Variants in KSR2 observed in about 807,000 individuals in gnomAD.
The protein encoded by KSR2 is kinase suppressor of ras 2.
A neutral mutation model predicts 107.8 loss-of-function variants in KSR2; 25 were observed. The observed-to-expected ratio is 0.23, with a 90% CI of 0.17 to 0.32. KSR2 has a LOEUF of 0.32. Among genes scored for constraint, KSR2 ranks in the 10% least tolerant of loss-of-function variants. The pLI, the probability that KSR2 is intolerant of heterozygous loss-of-function variation, is 1.00. For synonymous variants in KSR2, 480 were observed against 507.0 expected, an observed-to-expected ratio of 0.95 and a Z score of 0.71; for missense variants, 887 against 1,268.9, an observed-to-expected ratio of 0.70 and a Z score of 4.57.
intron 1 of KSR2, chr12:117,889,888 C>T (rs1894288439): frequency 6.6e-6 from 1 of 152,222 alleles, no homozygotes. Flanking sequence ...ACAGATCCCA[C>T]AACAGGGAGG....
chr12:117,957,508 C>G (rs892624176), intron 1 of KSR2, among the ~76,000 whole-genome samples: 1 of 152,148 alleles, frequency 6.6e-6, no homozygotes, highest in East Asian at 1.9e-4. Context: ...GTCCCCACAC[C>G]CAGAGCAGCA....
rs190597332 is a variant in KSR2, at chr12:117,776,047, A to G, written c.473-14523T>C. Among the ~76,000 whole-genome samples, 21 of 152,250 alleles carry G rather than the reference A, an allele frequency of 1.4e-4. No individual in the cohort carries two copies. The East Asian group carries it at 2.9e-3, about 21-fold the overall frequency. On this transcript the variant is annotated intron_variant, in intron 3 of 19. Coordinates refer to ENST00000339824, the MANE Select transcript of KSR2 (RefSeq NM_173598.6). Reference sequence around the variant, plus strand: ...CAAATCACCACTAAAGAACTTATGTAACCAAGTACCACCTGTTCCCCAAAA... The same window carrying G: ...CAAATCACCACTAAAGAACTTATGTGACCAAGTACCACCTGTTCCCCAAAA...
intron 4 of KSR2, among the ~76,000 whole-genome samples, chr12:117,748,312 G>A (rs1220446453): frequency 1.3e-5 from 2 of 152,146 alleles, no homozygotes; most frequent in Non-Finnish European, 2.9e-5. Context: ...GGAATGGGGA[G>A]ATATTGGTTA....
rs557278490 is a variant in KSR2, at chr12:117,667,300, A to G, written c.1171+174T>C. Reference sequence around the variant, plus strand: ...AACCATCCAAATGGGCATGAGTGGCATAGGCAGATGGGGGGGCTGTGGGCA... The same window carrying G: ...AACCATCCAAATGGGCATGAGTGGCGTAGGCAGATGGGGGGGCTGTGGGCA... On this transcript the variant is annotated intron_variant, in intron 5 of 19. Transcript: ENST00000339824. 5.3e-5 allele frequency among the ~76,000 whole-genome samples: 8 copies of G among 152,296 alleles called. No individual in the cohort carries two copies. The East Asian group carries it at 1.4e-3, about 26-fold the overall frequency.
In KSR2 at chr12:117,968,313, G is replaced by GA; in HGVS notation, c.-59_-58insT. 4.1e-6 allele frequency: 6 copies of GA among 1,452,834 alleles called. No homozygotes were observed. The highest frequency in any genetic ancestry group is 5.4e-6 in the Non-Finnish European group (6 of 1,110,908). 90.0% of individuals were successfully genotyped at this position (1,452,834 alleles called of 1,614,324 possible). On this transcript the variant is annotated 5_prime_UTR_variant, in exon 1 of 20. Transcript: ENST00000339824. ...CCTCCCAGAGAGAAAAAAGAGGGGG[G>GA]GGAGTAGAGGTAGTCTACCCTCCGC... is the stretch of plus-strand genomic sequence containing the variant.
rs1870663566 is a variant in KSR2 at position 117,457,120 on chromosome 12, T to G, written c.*10079A>C. On this transcript the variant is annotated 3_prime_UTR_variant, in exon 20 of 20. Coordinates refer to ENST00000339824, the MANE Select transcript of KSR2 (RefSeq NM_173598.6). Reference sequence around the variant, plus strand: ...GAGAATGACTGGAGATTTCAGCCCCTGTCCGTGCAGACGGTGAAAGGCAAG... The same window carrying G: ...GAGAATGACTGGAGATTTCAGCCCCGGTCCGTGCAGACGGTGAAAGGCAAG... 6.6e-6 allele frequency: 1 copy of G among 152,274 alleles called. No homozygotes were observed. The highest frequency in any genetic ancestry group is 1.5e-5 in the Non-Finnish European group (1 of 68,062). The allele number at this position is 152,274 out of a possible 1,614,324, so 9.4% of individuals were successfully genotyped here.
chr12:117,509,893 A>C (rs1349431593), intron 14 of KSR2, among the ~76,000 whole-genome samples: 2 of 152,234 alleles, frequency 1.3e-5, no homozygotes, highest in African/African-American at 4.8e-5. Context: ...ATTTAAAGCA[A>C]GAGTGACTTC....
chr12:117,943,951 C>A (rs1044194306), intron 1 of KSR2, among the ~76,000 whole-genome samples: 1 of 152,156 alleles, frequency 6.6e-6, no homozygotes, highest in Non-Finnish European at 1.5e-5. Context: ...TTAAGACGTG[C>A]CTTTCACCTT....
intron 4 of KSR2, among the ~76,000 whole-genome samples, chr12:117,686,188 A>G (rs1346754355): frequency 6.9e-6 from 1 of 145,064 alleles, no homozygotes; most frequent in Non-Finnish European, 1.5e-5. Context: ...AGCTGGGACC[A>G]CAGGCACACA....
rs751935035 is a variant in KSR2 at position 117,471,235 on chromosome 12, T to C, written c.2668A>G (p.Met890Val). ...CCAATCTGGCTGAGGTTGGGTTTCA[T>C]GCCTGTGCCCATTTGCCAGATTATT... Reference protein sequence around the residue: ...EAIIWQMGTGMKPNLSQIGMG... With the variant: ...EAIIWQMGTGVKPNLSQIGMG... Residue 890 changes from methionine (M) to valine (V), a missense_variant, in exon 18 of 20, where the codon ATG (methionine) becomes GTG (valine). Physicochemically the swap from Met to Val is conservative, Grantham distance 21. Coordinates refer to ENST00000339824, the MANE Select transcript of KSR2 (RefSeq NM_173598.6). The C allele has an allele frequency of 9.9e-6, 16 of 1,614,016 alleles. No individual in the cohort carries two copies. The South Asian group carries it at 1.5e-4, about 16-fold the overall frequency.
intron 5 of KSR2, among the ~76,000 whole-genome samples, chr12:117,595,348 A>ATTTT (rs1880568078): frequency 2.5e-5 from 3 of 118,816 alleles, no homozygotes; most frequent in African/African-American, 1.0e-4. Context: ...GCTAGATCAA[A>ATTTT]TTCTTTTTTT....
intron 7 of KSR2, among the ~76,000 whole-genome samples, chr12:117,562,811 C>CTTCG (rs1339963829): frequency 6.6e-6 from 1 of 152,154 alleles, no homozygotes; most frequent in African/African-American, 2.4e-5. Flanking sequence ...CAGCCAGGGG[C>CTTCG]TTCGGTGGGC....
chr12:117,487,542 C>T (rs1389514922), intron 14 of KSR2, among the ~76,000 whole-genome samples: 1 of 152,168 alleles, frequency 6.6e-6, no homozygotes, highest in Non-Finnish European at 1.5e-5. Flanking sequence ...GGCAGAGCAG[C>T]CAATTACTCC....
rs572131718 is a variant in KSR2 at position 117,699,155 on chromosome 12, G to A, written c.987-31497C>T. 3.3e-5 allele frequency among the ~76,000 whole-genome samples: 5 copies of A among 152,176 alleles called. No homozygotes were observed. In the East Asian group the frequency reaches 5.8e-4, roughly 18 times the overall value. ...CCCCTCATCAAGCTATATGAAGACA[G>A]GGCCTTTGGATGATCTGTTCTGCTT... On this transcript the variant is annotated intron_variant, in intron 4 of 19. Transcript: ENST00000339824.
At chr12:117,884,824 C>A (rs1455441549) in intron 1 of KSR2, among the ~76,000 whole-genome samples, 4 of 151,972 alleles carry the variant, frequency 2.6e-5, no homozygotes, top group Non-Finnish European at 5.9e-5. Context: ...CTAGAATTCA[C>A]CAGCCATCTC....
intron 4 of KSR2, among the ~76,000 whole-genome samples, chr12:117,759,718 T>C (rs1441273567): frequency 6.6e-6 from 1 of 152,214 alleles, no homozygotes; most frequent in Admixed American, 6.5e-5. Context: ...GTATCTCATA[T>C]TGGTGGAATT....
At position 117,968,288 on chromosome 12, in the gene KSR2, C is replaced by A. The variant is rs1269962545; in HGVS notation, c.-33G>T. On this transcript the variant is annotated 5_prime_UTR_variant, in exon 1 of 20. Coordinates refer to ENST00000339824, the MANE Select transcript of KSR2 (RefSeq NM_173598.6). ...TCTGCAACCCCCTTCCCCTCCTCCT[C>A]CTCCCAGAGAGAAAAAAGAGGGGGG... 1 of 1,464,686 alleles carries A rather than the reference C, an allele frequency of 6.8e-7. No homozygotes were observed. The highest frequency in any genetic ancestry group is 1.7e-5 in the African/African-American group (1 of 57,194). 90.7% of individuals were successfully genotyped at this position (1,464,686 alleles called of 1,614,324 possible).
intron 4 of KSR2, among the ~76,000 whole-genome samples, chr12:117,713,707 A>C (rs1003955554): frequency 1.3e-5 from 2 of 152,238 alleles, no homozygotes; most frequent in African/African-American, 4.8e-5. Context: ...TCAAGCCTCC[A>C]AAATTCTGTC....
intron 1 of KSR2, among the ~76,000 whole-genome samples, chr12:117,928,730 T>C (rs1311475549): frequency 6.6e-6 from 1 of 152,236 alleles, no homozygotes; most frequent in East Asian, 1.9e-4. Flanking sequence ...TTTAATTTTT[T>C]TGAAGAACCT....
Sources: gnomAD v4.1 joint callset for allele counts (sites outside exome capture counted in the v4.1 genomes callset) on GRCh38, gnomAD v4.1.1 for gene constraint, MANE v1.5 for transcripts, NCBI Gene and HGNC (gene_info 2026-07-23, HGNC 2026-07-21) for gene names.